KIRREL3: variants seen among roughly 807,000 people sequenced by gnomAD.
KIRREL3 encodes kin of IRRE-like protein 3.
Under a neutral mutation model 89.7 loss-of-function variants are expected in KIRREL3, and 36 were observed. The observed-to-expected ratio is 0.40, with a 90% CI of 0.31 to 0.53. KIRREL3 has a LOEUF of 0.53. Ranked by LOEUF, KIRREL3 falls within the 20% of genes least tolerant of loss-of-function variation. The probability of loss-of-function intolerance (pLI) is 0.49; values close to 1 mark genes in which losing one functional copy is unlikely to be tolerated. For synonymous variants in KIRREL3, 445 were observed against 441.4 expected (o/e 1.01, Z -0.10); for missense variants, 864 against 1,056.6 (o/e 0.82, Z 2.53).
intron 7 of KIRREL3, 147 bp downstream of exon 7, chr11:126,456,202 A>C: frequency 1.6e-6 from 1 of 608,446 alleles, no homozygotes; most frequent in Non-Finnish European, 2.9e-6. Flanking sequence ...AGGCGGGTTT[A>C]AGAGGAAGGG....
Position 126,562,965 on chromosome 11 carries a change from GT to G in KIRREL3, c.56-54del. 1 of 1,401,622 alleles carries G rather than the reference GT, an allele frequency of 7.1e-7. No individual in the cohort carries two copies. Among genetic ancestry groups the G allele is most frequent in the Non-Finnish European group, 1.0e-6 (1 of 990,842 alleles). 86.8% of individuals were successfully genotyped at this position (1,401,622 alleles called of 1,614,324 possible). A position where few individuals can be genotyped will look rare whatever the true frequency, so the allele number is the denominator to read the frequency against. The stretch of plus-strand genomic sequence containing the variant: ...TGGGAATGGGAACAGGTCAGGCATT[GT>G]TGGGGGGCCCTCTGCAGGGGGCTGT... On this transcript the variant is annotated intron_variant, in intron 1 of 16. Coordinates refer to ENST00000525144, the MANE Select transcript of KIRREL3 (RefSeq NM_032531.4). This position sits in a 1 kb window ranked among gnomAD's most constrained non-coding sequence, Gnocchi z 4.7.
At position 126,909,961 on chromosome 11, in the gene KIRREL3, C is replaced by T. The variant is rs181947017; in HGVS notation, c.55+90494G>A. On this transcript the variant is annotated intron_variant, in intron 1 of 16. Transcript: ENST00000525144. The surrounding 1 kb of genome is among the most constrained non-coding windows in gnomAD (Gnocchi z 4.5). ...ATGACAGGGAGCGAGGGATGGAAAG[C>T]GGGCAATTTGTTAAGGTTGCAGAGC... Among the ~76,000 whole-genome samples, 44 of 152,212 alleles carry T rather than the reference C, an allele frequency of 2.9e-4. No individual in the cohort carries two copies. Among genetic ancestry groups the T allele is most frequent in the Admixed American group, 7.2e-4 (11 of 15,298 alleles).
At position 126,876,909 on chromosome 11, in the gene KIRREL3, A is replaced by T. The variant is rs1945310697; in HGVS notation, c.55+123546T>A. 6.6e-6 allele frequency among the ~76,000 whole-genome samples: 1 copy of T among 152,210 alleles called. No individual in the cohort carries two copies. The highest frequency in any genetic ancestry group is 2.1e-4 in the South Asian group (1 of 4,830). On this transcript the variant is annotated intron_variant, in intron 1 of 16. Transcript: ENST00000525144. This position sits in a 1 kb window ranked among gnomAD's most constrained non-coding sequence, Gnocchi z 4.1. ...AAAATTTTCACAATTGATAACCCTT[A>T]CAGTAGATTGCAGAAACCTATAAGA...
rs1394325542 is a variant in KIRREL3 at position 126,515,844 on chromosome 11, G to C, written c.433+5471C>G. 6.6e-6 allele frequency among the ~76,000 whole-genome samples: 1 copy of C among 152,164 alleles called. No homozygotes were observed. Among genetic ancestry groups the C allele is most frequent in the Non-Finnish European group, 1.5e-5 (1 of 68,038 alleles). On this transcript the variant is annotated intron_variant, in intron 4 of 16. Transcript: ENST00000525144. This position sits in a 1 kb window ranked among gnomAD's most constrained non-coding sequence, Gnocchi z 4.2. ...CTACTGATTTGCCTTTTTATGTCAG[G>C]GTGACTATGGATGGGTTTCTTGCAA...
intron 1 of KIRREL3, among the ~76,000 whole-genome samples, chr11:126,674,354 G>T (rs529462007): frequency 6.6e-6 from 1 of 152,308 alleles, no homozygotes; most frequent in South Asian, 2.1e-4. Flanking sequence ...CCTGCTATGT[G>T]CCAGACCTTG....
chr11:126,707,656 C>T (rs1187670440), intron 1 of KIRREL3, among the ~76,000 whole-genome samples: 1 of 152,204 alleles, frequency 6.6e-6, no homozygotes, highest in Non-Finnish European at 1.5e-5. Context: ...TCAGCCTGTA[C>T]TGTCAGTCCC....
In KIRREL3 at chr11:126,668,303, T is replaced by G. The variant is rs567710128; in HGVS notation, c.56-105391A>C. Among the ~76,000 whole-genome samples the G allele has an allele frequency of 1.3e-5, 2 of 152,288 alleles. No individual in the cohort carries two copies. Among genetic ancestry groups the G allele is most frequent in the African/African-American group, 4.8e-5 (2 of 41,560 alleles). On this transcript the variant is annotated intron_variant, in intron 1 of 16. Transcript: ENST00000525144. The surrounding 1 kb of genome is among the most constrained non-coding windows in gnomAD (Gnocchi z 4.4). ...TCTTTCATAAAGGCACTAATCCCAT[T>G]CATGAACTCCGTTTTCATGACCTAA...
Position 126,571,852 on chromosome 11 carries a change from T to C in KIRREL3, c.56-8940A>G, listed in dbSNP as rs1016370692. ...CAAGGATGCCTCAGCCCGTCTCTGA[T>C]TTAACGTATCTAATTCCAATGAGTT... On this transcript the variant is annotated intron_variant, in intron 1 of 16. Coordinates refer to ENST00000525144, the MANE Select transcript of KIRREL3 (RefSeq NM_032531.4). The surrounding 1 kb of genome is among the most constrained non-coding windows in gnomAD (Gnocchi z 7.7). Among the ~76,000 whole-genome samples, 8 of 152,206 alleles carry C rather than the reference T, an allele frequency of 5.3e-5. No homozygotes were observed. Among genetic ancestry groups the C allele is most frequent in the African/African-American group, 1.4e-4 (6 of 41,448 alleles).
intron 1 of KIRREL3, among the ~76,000 whole-genome samples, chr11:126,979,886 G>T (rs1197674158): frequency 6.6e-6 from 1 of 152,138 alleles, no homozygotes; most frequent in Non-Finnish European, 1.5e-5. Flanking sequence ...TCATTCATTT[G>T]CTCACTCATT....
chr11:126,791,663 G>C lies in KIRREL3; in HGVS notation c.55+208792C>G, dbSNP rs1261093018. On this transcript the variant is annotated intron_variant, in intron 1 of 16. Transcript: ENST00000525144. The surrounding 1 kb of genome is among the most constrained non-coding windows in gnomAD (Gnocchi z 4.8). Reference sequence around the variant, plus strand: ...TCAGCCATCCAGGCCACAGGGTCCAGGGGCCCAGATTCCCATGGCCAGGCC... The same window carrying C: ...TCAGCCATCCAGGCCACAGGGTCCACGGGCCCAGATTCCCATGGCCAGGCC... 1.3e-5 allele frequency among the ~76,000 whole-genome samples: 2 copies of C among 152,198 alleles called. No individual in the cohort carries two copies. Among genetic ancestry groups the C allele is most frequent in the Non-Finnish European group, 2.9e-5 (2 of 68,038 alleles).
In KIRREL3 at chr11:126,527,493, T is replaced by C. The variant is rs1958798555; in HGVS notation, c.134-806A>G. 6.6e-6 allele frequency among the ~76,000 whole-genome samples: 1 copy of C among 152,228 alleles called. No homozygotes were observed. The highest frequency in any genetic ancestry group is 6.5e-5 in the Admixed American group (1 of 15,288). ...AGGCTTTAAAATATTAGTTCATTAA[T>C]ATTTTCATCGTCATAACAACCTAAA... On this transcript the variant is annotated intron_variant, in intron 2 of 16. Coordinates refer to ENST00000525144, the MANE Select transcript of KIRREL3 (RefSeq NM_032531.4). This position sits in a 1 kb window ranked among gnomAD's most constrained non-coding sequence, Gnocchi z 4.2.
At position 126,537,546 on chromosome 11, in the gene KIRREL3, G is replaced by A. The variant is rs561473918; in HGVS notation, c.134-10859C>T. On this transcript the variant is annotated intron_variant, in intron 2 of 16. Transcript: ENST00000525144. This position sits in a 1 kb window ranked among gnomAD's most constrained non-coding sequence, Gnocchi z 4.3. The stretch of plus-strand genomic sequence containing the variant: ...AAACATGAGTGATGGGTCACCCTCT[G>A]TCACCTGCCTGGAGTACCTAACCGA... 1.6e-4 allele frequency among the ~76,000 whole-genome samples: 25 copies of A among 152,244 alleles called. No homozygotes were observed. Among genetic ancestry groups the A allele is most frequent in the African/African-American group, 5.8e-4 (24 of 41,556 alleles).
Position 126,450,527 on chromosome 11 carries a change from G to A in KIRREL3, c.849-1370C>T, listed in dbSNP as rs375421141. Among the ~76,000 whole-genome samples the A allele has an allele frequency of 2.6e-3, 387 of 150,832 alleles. 1 individual carries two copies. The highest frequency in any genetic ancestry group is 9.2e-3 in the African/African-American group (378 of 40,996). On this transcript the variant is annotated intron_variant, in intron 7 of 16. Transcript: ENST00000525144. ...TGTGCATGTGTGTGTGTGCATCTGC[G>A]TATGTGTGCATGTGTGTCAATGTGC...
chr11:126,457,448 TG>T (rs1330041061), intron 6 of KIRREL3, among the ~76,000 whole-genome samples: 3 of 151,904 alleles, frequency 2.0e-5, no homozygotes, highest in African/African-American at 7.2e-5. Flanking sequence ...TATGTGTATG[TG>T]TGTGTATACA....
chr11:126,656,127 C>G lies in KIRREL3; in HGVS notation c.56-93215G>C, dbSNP rs903929973. ...CAAAGGAATAAGAAACTAGTGCTGT[C>G]TCGGGAACCAGCAACACAGATGTTC... is the stretch of plus-strand genomic sequence containing the variant. On this transcript the variant is annotated intron_variant, in intron 1 of 16. Transcript: ENST00000525144. This position sits in a 1 kb window ranked among gnomAD's most constrained non-coding sequence, Gnocchi z 4.0. 5 of 455,988 alleles carry G rather than the reference C, an allele frequency of 1.1e-5. No individual in the cohort carries two copies. Among genetic ancestry groups the G allele is most frequent in the Admixed American group, 4.7e-5 (2 of 42,550 alleles). 28.2% of individuals were successfully genotyped at this position (455,988 alleles called of 1,614,324 possible). A position where few individuals can be genotyped will look rare whatever the true frequency, so the allele number is the denominator to read the frequency against.
chr11:126,448,870 C>T (rs1055330858), intron 8 of KIRREL3, 139 bp downstream of exon 8: 11 of 820,524 alleles, frequency 1.3e-5, no homozygotes, highest in South Asian at 3.2e-5. Context: ...AACCAGCTTT[C>T]GTCGAGTGCA....
chr11:126,927,218 TG>T (rs1305586113), intron 1 of KIRREL3, among the ~76,000 whole-genome samples: 1 of 140,918 alleles, frequency 7.1e-6, no homozygotes, highest in Non-Finnish European at 1.5e-5. Context: ...ACACGACACC[TG>T]GGGAGTAAGC....
intron 1 of KIRREL3, among the ~76,000 whole-genome samples, chr11:126,661,606 A>C (rs559038270): frequency 3.0e-4 from 46 of 152,298 alleles, no homozygotes; most frequent in African/African-American, 1.1e-3. Context: ...AGAGGACATA[A>C]ACTGTGAAGA....
At position 126,641,005 on chromosome 11, in the gene KIRREL3, G is replaced by GAGA. The variant is rs1944448109; in HGVS notation, c.56-78094_56-78093insTCT. Among the ~76,000 whole-genome samples the GAGA allele has an allele frequency of 6.6e-6, 1 of 152,130 alleles. No homozygotes were observed. The highest frequency in any genetic ancestry group is 1.5e-5 in the Non-Finnish European group (1 of 68,034). ...CCTAGTTCTCCCCTCCACTTGCAAT[G>GAGA]TGTAACAGGCATCTCAAATTTCACA... On this transcript the variant is annotated intron_variant, in intron 1 of 16. Coordinates refer to ENST00000525144, the MANE Select transcript of KIRREL3 (RefSeq NM_032531.4). This position sits in a 1 kb window ranked among gnomAD's most constrained non-coding sequence, Gnocchi z 5.0.
Sources: gnomAD v4.1 joint callset for allele counts (sites outside exome capture counted in the v4.1 genomes callset) on GRCh38, gnomAD v4.1.1 for gene constraint, Gnocchi (gnomAD v3.1) non-coding constraint, MANE v1.5 for transcripts, NCBI Gene and HGNC (gene_info 2026-07-23, HGNC 2026-07-21) for gene names.